DCPS: variants seen among roughly 807,000 people sequenced by gnomAD.
The protein encoded by DCPS is decapping enzyme, scavenger, also known as m7GpppX diphosphatase.
DCPS carries 27 observed loss-of-function variants against 34.7 expected under a neutral mutation model. That is an observed-to-expected ratio of 0.78 (90% CI 0.57 to 1.07). The LOEUF (loss-of-function observed/expected upper bound fraction) is 1.07, where lower values mean the gene tolerates loss of function less well. DCPS is among the 50% of genes least tolerant of loss of function. The probability of loss-of-function intolerance (pLI) is 0.00; values close to 1 mark genes in which losing one functional copy is unlikely to be tolerated. For missense variants in DCPS, 464 were observed against 436.9 expected, an observed-to-expected ratio of 1.06 and a Z score of -0.55; for synonymous variants, 185 against 185.7, an observed-to-expected ratio of 1.00 and a Z score of 0.03.
At position 126,329,253 on chromosome 11, in the gene DCPS, A is replaced by AGGC. The variant is rs1951764296; in HGVS notation, c.377-2151_377-2149dup. ...TGCTGCTCCTCAGAGAGTTGTGAGGAGGCCTTCATGCCCCTTTTTCAGGGT... is the reference window on the plus strand; with the variant it reads ...TGCTGCTCCTCAGAGAGTTGTGAGGAGGCGGCCTTCATGCCCCTTTTTCAGGGT... On this transcript the variant is annotated intron_variant, in intron 2 of 5. Transcript: ENST00000263579. This position sits in a 1 kb window ranked among gnomAD's most constrained non-coding sequence, Gnocchi z 5.0. 6.6e-6 allele frequency among the ~76,000 whole-genome samples: 1 copy of AGGC among 152,186 alleles called. No individual in the cohort carries two copies. The highest frequency in any genetic ancestry group is 6.5e-5 in the Admixed American group (1 of 15,270).
At position 126,315,876 on chromosome 11, in the gene DCPS, G is replaced by A. The variant is rs1049760589; in HGVS notation, c.376+9132G>A. Among the ~76,000 whole-genome samples, 3 of 151,914 alleles carry A rather than the reference G, an allele frequency of 2.0e-5. No homozygotes were observed. The highest frequency in any genetic ancestry group is 7.3e-5 in the African/African-American group (3 of 41,234). On this transcript the variant is annotated intron_variant, in intron 2 of 5. Coordinates refer to ENST00000263579, the MANE Select transcript of DCPS (RefSeq NM_014026.6). The surrounding 1 kb of genome is among the most constrained non-coding windows in gnomAD (Gnocchi z 6.1). ...TTACGGGTGCCTGCCACCACACCAG[G>A]CCAATTTTTGTATTTTTAGTAGAGA...
At chr11:126,330,711 ATATATATATTTTTTTTTTTTTTT>A (rs1284413907) in intron 2 of DCPS, among the ~76,000 whole-genome samples, 305 of 25,322 alleles carry the variant, frequency 0.012, 1 homozygote, top group South Asian at 0.058. Flanking sequence ...ATATATATAT[ATATATATATTTTTTTTTTTTTTT>A]TTTTTTTTTT....
intron 5 of DCPS, 90 bp downstream of exon 5, chr11:126,343,507 G>GATGGACTCTGGGA: frequency 9.0e-7 from 1 of 1,105,164 alleles, no homozygotes; most frequent in Non-Finnish European, 1.3e-6. Context: ...ACCTTTCCCA[G>GATGGACTCTGGGA]AGTCCATCTT....
In DCPS at chr11:126,323,971, C is replaced by T. The variant is rs561025354; in HGVS notation, c.377-7434C>T. Among the ~76,000 whole-genome samples, 2 of 152,212 alleles carry T rather than the reference C, an allele frequency of 1.3e-5. No homozygotes were observed. The highest frequency in any genetic ancestry group is 3.9e-4 in the East Asian group (2 of 5,168). Reference sequence around the variant, plus strand: ...TCAGCCTCCCGAGTATCTGGGATTACAGAAGCAAGCCACCATGCCTGGCTA... The same window carrying T: ...TCAGCCTCCCGAGTATCTGGGATTATAGAAGCAAGCCACCATGCCTGGCTA... On this transcript the variant is annotated intron_variant, in intron 2 of 5. Coordinates refer to ENST00000263579, the MANE Select transcript of DCPS (RefSeq NM_014026.6). This position sits in a 1 kb window ranked among gnomAD's most constrained non-coding sequence, Gnocchi z 4.4.
Position 126,332,098 on chromosome 11 carries a change from A to G in DCPS, c.522+548A>G, listed in dbSNP as rs1951798362. Among the ~76,000 whole-genome samples the G allele has an allele frequency of 6.6e-6, 1 of 152,224 alleles. No individual in the cohort carries two copies. Among genetic ancestry groups the G allele is most frequent in the Non-Finnish European group, 1.5e-5 (1 of 68,038 alleles). Reference sequence around the variant, plus strand: ...TGAGTCCCACCCTGTCCAGACTCTTATTCCTGGTTTCACCTGCGGCAAACC... The same window carrying G: ...TGAGTCCCACCCTGTCCAGACTCTTGTTCCTGGTTTCACCTGCGGCAAACC... On this transcript the variant is annotated intron_variant, in intron 3 of 5. Coordinates refer to ENST00000263579, the MANE Select transcript of DCPS (RefSeq NM_014026.6). This position sits in a 1 kb window ranked among gnomAD's most constrained non-coding sequence, Gnocchi z 5.4.
chr11:126,304,134 G>A lies in DCPS; in HGVS notation c.54G>A (p.Glu18=), dbSNP rs946289421. 11 of 1,614,074 alleles carry A rather than the reference G, an allele frequency of 6.8e-6. No homozygotes were observed. Among genetic ancestry groups the A allele is most frequent in the Non-Finnish European group, 9.3e-6 (11 of 1,179,988 alleles). The change falls in exon 1 of 6, where the codon GAG becomes GAA. Residue 18 remains glutamate, a synonymous_variant. Transcript: ENST00000263579. ...AGAGGAAGCGCGAATTGGACGTGGAGGAGGCCCACGCCGCCAGCACAGAGG... is the reference window on the plus strand; with the variant it reads ...AGAGGAAGCGCGAATTGGACGTGGAAGAGGCCCACGCCGCCAGCACAGAGG... The part of the protein sequence containing the change: ...LGKRKRELDV[E]EAHAASTEEK...
intron 1 of DCPS, among the ~76,000 whole-genome samples, chr11:126,306,037 G>T (rs1951562168): frequency 6.6e-6 from 1 of 152,196 alleles, no homozygotes; most frequent in South Asian, 2.1e-4. Flanking sequence ...CTTGTATTCT[G>T]GGGAAGAAAG....
rs1354612749 is a variant in DCPS, at chr11:126,319,711, C to T, written c.377-11694C>T. ...GTCATGTTTCTCCTATCTGATAGGG[C>T]TGCTTTTGGAAAACATGGCCCCAGC... On this transcript the variant is annotated intron_variant, in intron 2 of 5. Coordinates refer to ENST00000263579, the MANE Select transcript of DCPS (RefSeq NM_014026.6). The surrounding 1 kb of genome is among the most constrained non-coding windows in gnomAD (Gnocchi z 4.5). Among the ~76,000 whole-genome samples the T allele has an allele frequency of 6.6e-6, 1 of 152,156 alleles. No individual in the cohort carries two copies. Among genetic ancestry groups the T allele is most frequent in the Non-Finnish European group, 1.5e-5 (1 of 68,034 alleles).
Position 126,324,629 on chromosome 11 carries a change from C to CTTTTT in DCPS, c.377-6754_377-6750dup, listed in dbSNP as rs58091804. ...CACCATGCCTAGCTAATTTTTCTGC[C>CTTTTT]TTTTTTTTTTTTTTTTTTTTTTTTT... On this transcript the variant is annotated intron_variant, in intron 2 of 5. Coordinates refer to ENST00000263579, the MANE Select transcript of DCPS (RefSeq NM_014026.6). Among the ~76,000 whole-genome samples the CTTTTT allele has an allele frequency of 1.3e-3, 127 of 99,942 alleles. 9 individuals carry two copies. The highest frequency in any genetic ancestry group is 5.1e-3 in the African/African-American group (122 of 23,834). 65.6% of individuals were successfully genotyped at this position (99,942 alleles called of 152,430 possible).
chr11:126,343,942 TG>T (rs1198794823), intron 5 of DCPS, among the ~76,000 whole-genome samples: 1 of 152,082 alleles, frequency 6.6e-6, no homozygotes, highest in Non-Finnish European at 1.5e-5. Context: ...CACGGGGAGA[TG>T]GGGGAAGAGT....
chr11:126,321,286 G>A (rs977122586), intron 2 of DCPS, among the ~76,000 whole-genome samples: 1 of 151,636 alleles, frequency 6.6e-6, no homozygotes, highest in African/African-American at 2.4e-5. Flanking sequence ...CACGAAGGGT[G>A]ACACACCAGG....
rs200690322 is a variant in DCPS at position 126,331,535 on chromosome 11, G to C, written c.507G>C (p.Gln169His). ...RNITLPHLES[Q>H]SLSIQWVYNI... Reference sequence around the variant, plus strand: ...TTACTTTACCCCACCTGGAGTCCCAGAGCCTCAGCATCCAGGTGACTGGCT... The same window carrying C: ...TTACTTTACCCCACCTGGAGTCCCACAGCCTCAGCATCCAGGTGACTGGCT... Residue 169 changes from glutamine to histidine, a missense_variant, in exon 3 of 6, where the codon CAG becomes CAC. Coordinates refer to ENST00000263579, the MANE Select transcript of DCPS (RefSeq NM_014026.6). The surrounding 1 kb of genome is among the most constrained non-coding windows in gnomAD (Gnocchi z 7.2). 1.2e-6 allele frequency: 2 copies of C among 1,614,078 alleles called. No individual in the cohort carries two copies. The highest frequency in any genetic ancestry group is 2.7e-5 in the African/African-American group (2 of 75,046).
rs1018383346 is a variant in DCPS at position 126,347,802 on chromosome 11, C to A, written c.*2189C>A. 2.0e-5 allele frequency among the ~76,000 whole-genome samples: 3 copies of A among 152,206 alleles called. No individual in the cohort carries two copies. Among genetic ancestry groups the A allele is most frequent in the Non-Finnish European group, 4.4e-5 (3 of 68,042 alleles). On this transcript the variant is annotated 3_prime_UTR_variant, in exon 6 of 6. Transcript: ENST00000263579. This position sits in a 1 kb window ranked among gnomAD's most constrained non-coding sequence, Gnocchi z 4.2. ...TCCCTGCGTCTCAGTTGTGCCCATT[C>A]CAGGTCCAGGGGAAAGAAGTGACCC...
chr11:126,315,141 A>G lies in DCPS; in HGVS notation c.376+8397A>G, dbSNP rs1475398609. ...TAAGAGGATCAAAAAACTCCCTATCAGGTATTATGCTTATTACCTGGGTGA... is the reference window on the plus strand; with the variant it reads ...TAAGAGGATCAAAAAACTCCCTATCGGGTATTATGCTTATTACCTGGGTGA... On this transcript the variant is annotated intron_variant, in intron 2 of 5. Transcript: ENST00000263579. The surrounding 1 kb of genome is among the most constrained non-coding windows in gnomAD (Gnocchi z 6.1). Among the ~76,000 whole-genome samples the G allele has an allele frequency of 6.6e-6, 1 of 152,108 alleles. No homozygotes were observed. Among genetic ancestry groups the G allele is most frequent in the Non-Finnish European group, 1.5e-5 (1 of 68,022 alleles).
Position 126,347,098 on chromosome 11 carries a change from A to G in DCPS, c.*1485A>G, listed in dbSNP as rs918651648. Among the ~76,000 whole-genome samples, 29 of 152,110 alleles carry G rather than the reference A, an allele frequency of 1.9e-4. No individual in the cohort carries two copies. Among genetic ancestry groups the G allele is most frequent in the African/African-American group, 6.5e-4 (27 of 41,512 alleles). ...CCTCTCAGAAAAAAAAATTAAAAAA[A>G]TAGAAACAGCCGGGGAGTGGAGGGT... On this transcript the variant is annotated 3_prime_UTR_variant, in exon 6 of 6. Coordinates refer to ENST00000263579, the MANE Select transcript of DCPS (RefSeq NM_014026.6). This position sits in a 1 kb window ranked among gnomAD's most constrained non-coding sequence, Gnocchi z 4.2.
intron 4 of DCPS, among the ~76,000 whole-genome samples, chr11:126,340,327 T>C (rs75298439): frequency 6.9e-6 from 1 of 144,002 alleles, no homozygotes; most frequent in Non-Finnish European, 1.5e-5. Context: ...TGCTTAATTC[T>C]TTTTTTTTTT....
At chr11:126,304,377 T>C in intron 1 of DCPS, 96 bp downstream of exon 1, 2 of 1,386,926 alleles carry the variant, frequency 1.4e-6, no homozygotes, top group Non-Finnish European at 2.0e-6. Context: ...GGCTGGAAAA[T>C]ACCAATCATT....
In DCPS at chr11:126,327,819, G is replaced by T. The variant is rs1470261617; in HGVS notation, c.377-3586G>T. On this transcript the variant is annotated intron_variant, in intron 2 of 5. Coordinates refer to ENST00000263579, the MANE Select transcript of DCPS (RefSeq NM_014026.6). This position sits in a 1 kb window ranked among gnomAD's most constrained non-coding sequence, Gnocchi z 4.1. The stretch of plus-strand genomic sequence containing the variant: ...TTACTGAGTGCTTACTGTATGCCAG[G>T]CACTATTCCAGGTGCTGGGGACAAA... Among the ~76,000 whole-genome samples the T allele has an allele frequency of 2.0e-5, 3 of 152,236 alleles. No individual in the cohort carries two copies. The highest frequency in any genetic ancestry group is 7.2e-5 in the African/African-American group (3 of 41,466).
At chr11:126,326,590 G>C (rs1296825847) in intron 2 of DCPS, among the ~76,000 whole-genome samples, 2 of 152,154 alleles carry the variant, frequency 1.3e-5, no homozygotes, top group Non-Finnish European at 2.9e-5. Flanking sequence ...TTCCAATCCT[G>C]CAGAAAAGTT....
Sources: gnomAD v4.1 joint callset for allele counts (sites outside exome capture counted in the v4.1 genomes callset) on GRCh38, gnomAD v4.1.1 for gene constraint, Gnocchi (gnomAD v3.1) non-coding constraint, MANE v1.5 for transcripts, NCBI Gene and HGNC (gene_info 2026-07-23, HGNC 2026-07-21) for gene names.